CPNE1: variants seen among roughly 807,000 people sequenced by gnomAD.
CPNE1 encodes the protein copine 1, also known as copine-1.
In CPNE1, 58 loss-of-function variants were observed where a neutral mutation model predicts 63.2. That is an observed-to-expected ratio of 0.92 (90% CI 0.74 to 1.14). The LOEUF (loss-of-function observed/expected upper bound fraction) is 1.14, where lower values mean the gene tolerates loss of function less well. Ranked by LOEUF, CPNE1 falls within the 50% of genes most tolerant of loss-of-function variation. The probability of loss-of-function intolerance (pLI) is 0.00; values close to 1 mark genes in which losing one functional copy is unlikely to be tolerated. For synonymous variants in CPNE1, 237 were observed against 249.0 expected (o/e 0.95, Z 0.45); for missense variants, 672 against 661.7 (o/e 1.02, Z -0.17).
Position 35,627,306 on chromosome 20 carries a change from G to C in CPNE1, c.1210C>G (p.Gln404Glu), listed in dbSNP as rs150317541. The change falls in exon 14 of 16, where the codon CAG becomes GAG. Residue 404 changes from glutamine (Q) to glutamate (E), a missense_variant. Physicochemically the swap from Gln to Glu is conservative, Grantham distance 29. Transcript: ENST00000397443. ...GAGGCAGTCCCCTGATGTGCAGCCT[G>C]GGCTGCAAACCTGGCCACATGGTTG... Reference protein sequence around the residue: ...IINHVARFAAQAAHQGTASQY... With the variant: ...IINHVARFAAEAAHQGTASQY... 3.3e-5 allele frequency: 53 copies of C among 1,611,756 alleles called. No homozygotes were observed. The African/African-American group carries it at 5.9e-4, about 18-fold the overall frequency.
rs180722052 is a variant in CPNE1 at position 35,629,254 on chromosome 20, T to C, written c.1102+1185A>G. ...AGCTCCTATGACTATTCTTGCAACT[T>C]TTCTCTAAGTCTGAACTTATGTTGA... On this transcript the variant is annotated intron_variant, in intron 13 of 15. Transcript: ENST00000397443. 5.1e-3 allele frequency among the ~76,000 whole-genome samples: 784 copies of C among 152,338 alleles called. 8 individuals carry two copies. Among genetic ancestry groups the C allele is most frequent in the Middle Eastern group, 0.01 (3 of 294 alleles).
At chr20:35,651,785 T>C (rs577028396) in intron 1 of CPNE1, 1 of 152,792 alleles carries the variant, frequency 6.5e-6, no homozygotes, top group Non-Finnish European at 1.5e-5. Context: ...AAGGACTCCA[T>C]AGTTTATTTT....
chr20:35,633,959 C>CA (rs34006508), intron 1 of CPNE1, among the ~76,000 whole-genome samples: 2,215 of 39,972 alleles, frequency 0.055, 130 homozygotes, highest in African/African-American at 0.15. Context: ...GATTCCGTCT[C>CA]AAAAAAAAAA....
At chr20:35,644,245 T>C (rs561494565) in intron 1 of CPNE1, among the ~76,000 whole-genome samples, 2 of 152,152 alleles carry the variant, frequency 1.3e-5, no homozygotes, top group South Asian at 2.1e-4. Context: ...TCTTGGTTAA[T>C]TGGACCAAGG....
At chr20:35,645,064 G>A (rs567800585) in intron 1 of CPNE1, among the ~76,000 whole-genome samples, 14 of 152,018 alleles carry the variant, frequency 9.2e-5, no homozygotes, top group Non-Finnish European at 2.1e-4. Context: ...GTACTATACC[G>A]CCTTCCTGAT....
intron 1 of CPNE1, among the ~76,000 whole-genome samples, chr20:35,661,889 C>T (rs1192618058): frequency 6.6e-6 from 1 of 152,168 alleles, no homozygotes; most frequent in African/African-American, 2.4e-5. Context: ...CTAGGTTCTT[C>T]AGATCCAAAA....
chr20:35,657,724 C>T (rs1254131977), intron 1 of CPNE1, among the ~76,000 whole-genome samples: 1 of 152,110 alleles, frequency 6.6e-6, no homozygotes, highest in Non-Finnish European at 1.5e-5. Flanking sequence ...ATTCATAAAG[C>T]CATCTGATGA....
At chr20:35,652,685 G>C (rs2033603372) in intron 1 of CPNE1, 1 of 1,614,092 alleles carries the variant, frequency 6.2e-7, no homozygotes, top group Non-Finnish European at 8.5e-7. Flanking sequence ...GGGATTACTT[G>C]ATAGCCATAA....
At chr20:35,654,895 C>T (rs1568939252) in intron 1 of CPNE1, 1 of 1,614,090 alleles carries the variant, frequency 6.2e-7, no homozygotes, top group East Asian at 2.2e-5. Context: ...GTTTTTGTTG[C>T]TTTCATGAAC....
intron 13 of CPNE1, among the ~76,000 whole-genome samples, chr20:35,628,929 G>C (rs1301525463): frequency 6.6e-6 from 1 of 152,206 alleles, no homozygotes; most frequent in Non-Finnish European, 1.5e-5. Flanking sequence ...TACAAAGCTG[G>C]TAGGGCCATA....
At chr20:35,635,593 C>A (rs946773819) in intron 1 of CPNE1, among the ~76,000 whole-genome samples, 1 of 152,138 alleles carries the variant, frequency 6.6e-6, no homozygotes, top group Non-Finnish European at 1.5e-5. Context: ...ATAACAATCA[C>A]CCTCAGACCT....
intron 1 of CPNE1, among the ~76,000 whole-genome samples, chr20:35,662,753 A>G (rs893377546): frequency 6.6e-6 from 1 of 152,206 alleles, no homozygotes. Context: ...TCACACCTAA[A>G]GACTGTACTA....
rs762914413 is a variant in CPNE1 at position 35,630,798 on chromosome 20, G to A, written c.996-3C>T. ...CAAATGCAGGGAACAGCTTGTCTCT[G>A]TGGGAGGACAGTGTATTGGGCAAAA... On this transcript the variant is annotated splice_polypyrimidine_tract_variant and splice_region_variant and intron_variant, in intron 11 of 15. Coordinates refer to ENST00000397443, the MANE Select transcript of CPNE1 (RefSeq NM_152925.3). The A allele has an allele frequency of 1.9e-6, 3 of 1,613,228 alleles. No homozygotes were observed. Among genetic ancestry groups the A allele is most frequent in the Admixed American group, 1.7e-5 (1 of 59,826 alleles).
intron 1 of CPNE1, among the ~76,000 whole-genome samples, chr20:35,664,060 G>A (rs73905926): frequency 6.6e-6 from 1 of 152,026 alleles, no homozygotes; most frequent in East Asian, 1.9e-4. Flanking sequence ...AGCCTCAGGA[G>A]GCGTACTCAC....
intron 13 of CPNE1, among the ~76,000 whole-genome samples, chr20:35,628,178 G>A (rs900052134): frequency 8.5e-5 from 13 of 152,080 alleles, no homozygotes; most frequent in East Asian, 7.7e-4. Context: ...CCAGCTACTC[G>A]GGAGGCTGAG....
intron 1 of CPNE1, among the ~76,000 whole-genome samples, chr20:35,662,724 T>C (rs2146386032): frequency 6.6e-6 from 1 of 152,318 alleles, no homozygotes; most frequent in Non-Finnish European, 1.5e-5. Flanking sequence ...TGGAACACAC[T>C]GGCCCACAAC....
At chr20:35,630,617 G>A in intron 12 of CPNE1, 124 bp downstream of exon 12, 1 of 1,446,370 alleles carries the variant, frequency 6.9e-7, no homozygotes, top group South Asian at 1.1e-5. Context: ...CTACGTGCCT[G>A]CAGGAATCCA....
intron 13 of CPNE1, 147 bp from the exon 14 acceptor site, chr20:35,627,560 T>A: frequency 5.5e-6 from 4 of 721,696 alleles, no homozygotes; most frequent in Non-Finnish European, 6.4e-6. Flanking sequence ...CTTAACTGTC[T>A]CCTACACATG....
chr20:35,629,504 T>C (rs780882018), intron 13 of CPNE1, among the ~76,000 whole-genome samples: 11 of 152,100 alleles, frequency 7.2e-5, no homozygotes, highest in Admixed American at 6.5e-4. Context: ...AACGATAATA[T>C]AACAGATACC....
Sources: allele counts gnomAD v4.1 joint callset (sites outside exome capture counted in the v4.1 genomes callset), GRCh38; gene constraint gnomAD v4.1.1; transcripts MANE v1.5; gene names NCBI Gene and HGNC (gene_info 2026-07-23, HGNC 2026-07-21).